The following VAV3 variants were observed in gnomAD, a reference collection of about 807,000 sequenced individuals.
The protein encoded by VAV3 is guanine nucleotide exchange factor VAV3.
In VAV3, 94 loss-of-function variants were observed where a neutral mutation model predicts 131.2. The ratio of observed to expected loss-of-function variants is 0.72; its 90% CI spans 0.61 to 0.85. The LOEUF (loss-of-function observed/expected upper bound fraction) is 0.85. Among genes scored for constraint, VAV3 ranks in the 40% least tolerant of loss-of-function variants. VAV3 has a pLI of 0.00. For missense variants in VAV3, 939 were observed against 1,002.7 expected, an observed-to-expected ratio of 0.94 and a Z score of 0.86; for synonymous variants, 349 against 342.0, an observed-to-expected ratio of 1.02 and a Z score of -0.22.
chr1:107,776,779 C>T (rs969136903), intron 4 of VAV3, among the ~76,000 whole-genome samples: 1 of 152,168 alleles, frequency 6.6e-6, no homozygotes, highest in Non-Finnish European at 1.5e-5. Context: ...CCTCTCTTGA[C>T]TATTAAATAA....
chr1:107,903,479 C>T (rs895552534), intron 1 of VAV3, among the ~76,000 whole-genome samples: 1 of 152,052 alleles, frequency 6.6e-6, no homozygotes, highest in Non-Finnish European at 1.5e-5. Flanking sequence ...TGCATTTGAC[C>T]TCCAACTCTA....
At chr1:107,618,516 G>A (rs2101228914) in intron 20 of VAV3, among the ~76,000 whole-genome samples, 1 of 152,234 alleles carries the variant, frequency 6.6e-6, no homozygotes. Flanking sequence ...CTATTAGGTT[G>A]GTGCAAAAGT....
rs757801131 is a variant in VAV3, at chr1:107,705,053, A to C, written c.1511T>G (p.Ile504Arg). Residue 504 changes from isoleucine to arginine, a missense_variant, in exon 16 of 27, where the codon ATA (isoleucine) becomes AGA (arginine). Coordinates refer to ENST00000370056, the MANE Select transcript of VAV3 (RefSeq NM_006113.5). Reference protein sequence around the residue: ...LEQFEMALSNIRPDYADSNFH... With the variant: ...LEQFEMALSNRRPDYADSNFH... The stretch of plus-strand genomic sequence containing the variant: ...ATTGGAGTCTGCATAGTCTGGTCTT[A>C]TGTTAGACCTAAAAAAAGGAAAAAA... 2 of 1,605,736 alleles carry C rather than the reference A, an allele frequency of 1.2e-6. No individual in the cohort carries two copies. The highest frequency in any genetic ancestry group is 3.3e-5 in the Admixed American group (2 of 59,820).
At chr1:107,874,676 T>C (rs558633500) in intron 2 of VAV3, among the ~76,000 whole-genome samples, 1 of 152,066 alleles carries the variant, frequency 6.6e-6, no homozygotes, top group African/African-American at 2.4e-5. Context: ...TAATCTCATT[T>C]GGAAAGTTGA....
At chr1:107,760,678 G>A in intron 10 of VAV3, 106 bp downstream of exon 10, 1 of 762,442 alleles carries the variant, frequency 1.3e-6, no homozygotes, top group Non-Finnish European at 2.0e-6. Flanking sequence ...AAAATTTTAA[G>A]GGGATTGGGC....
At position 107,856,258 on chromosome 1, in the gene VAV3, C is replaced by T. The variant is rs147163863; in HGVS notation, c.321+18643G>A. Among the ~76,000 whole-genome samples the T allele has an allele frequency of 5.3e-4, 80 of 152,298 alleles. No individual in the cohort carries two copies. In the East Asian group the frequency reaches 8.3e-3, roughly 16 times the overall value. On this transcript the variant is annotated intron_variant, in intron 2 of 26. Transcript: ENST00000370056. The stretch of plus-strand genomic sequence containing the variant: ...GCAGTCACAGAAATGTGATTAATTA[C>T]GGTTTACATCATTCCAGTGAAATAT...
chr1:107,637,064 A>G (rs1333484395), intron 20 of VAV3, among the ~76,000 whole-genome samples: 2 of 152,172 alleles, frequency 1.3e-5, no homozygotes, highest in African/African-American at 4.8e-5. Context: ...TAGAAGATCA[A>G]TAAAATGCAT....
rs191720091 is a variant in VAV3 at position 107,935,991 on chromosome 1, G to A, written c.204+28675C>T. 6.6e-5 allele frequency among the ~76,000 whole-genome samples: 10 copies of A among 152,242 alleles called. No homozygotes were observed. In the East Asian group the frequency reaches 1.9e-3, roughly 29 times the overall value. On this transcript the variant is annotated intron_variant, in intron 1 of 26. Coordinates refer to ENST00000370056, the MANE Select transcript of VAV3 (RefSeq NM_006113.5). ...TTTTGCTTTTCAGTGTGTGAGAGAT[G>A]AGGACACATTTATGCCCCTTTTGGA...
At chr1:107,779,607 G>C (rs1308305501) in intron 2 of VAV3, 115 bp from the exon 3 acceptor site, 2 of 665,092 alleles carry the variant, frequency 3.0e-6, no homozygotes, top group African/African-American at 3.8e-5. Context: ...AAATTTGCAG[G>C]TGTCAAAGAT....
At chr1:107,949,725 A>G (rs1674443448) in intron 1 of VAV3, among the ~76,000 whole-genome samples, 1 of 152,216 alleles carries the variant, frequency 6.6e-6, no homozygotes, top group Admixed American at 6.5e-5. Flanking sequence ...ACAGAATCCC[A>G]AAGTACATGT....
At chr1:107,798,636 G>A (rs148644871) in intron 2 of VAV3, among the ~76,000 whole-genome samples, 4,796 of 148,896 alleles carry the variant, frequency 0.032, 137 homozygotes, top group African/African-American at 0.075. Flanking sequence ...GGAGAATGGC[G>A]TGAACCCAGG....
intron 2 of VAV3, among the ~76,000 whole-genome samples, chr1:107,856,227 C>T (rs564218084): frequency 3.9e-4 from 60 of 152,314 alleles, no homozygotes; most frequent in African/African-American, 1.4e-3. Flanking sequence ...GGTGATGGTA[C>T]TGATGGCAGT....
At chr1:107,847,422 C>A (rs941564726) in intron 2 of VAV3, among the ~76,000 whole-genome samples, 3 of 151,924 alleles carry the variant, frequency 2.0e-5, no homozygotes, top group Admixed American at 1.3e-4. Context: ...TAACTAAGAT[C>A]AGAGCAGAAA....
At chr1:107,617,668 A>T (rs1285394390) in intron 20 of VAV3, 36 bp from the exon 21 acceptor site, 4 of 1,591,238 alleles carry the variant, frequency 2.5e-6, no homozygotes, top group Non-Finnish European at 3.4e-6. Context: ...GTTGAGAACA[A>T]ATTTACCACA....
chr1:107,948,201 C>A (rs1480432926), intron 1 of VAV3, among the ~76,000 whole-genome samples: 1 of 152,148 alleles, frequency 6.6e-6, no homozygotes. Context: ...GTACCCTCAC[C>A]TTTACGGATT....
chr1:107,798,744 A>G (rs1272890618), intron 2 of VAV3, among the ~76,000 whole-genome samples: 2 of 136,840 alleles, frequency 1.5e-5, no homozygotes, highest in East Asian at 4.0e-4. Context: ...AAAAAAAAAA[A>G]GAAGAACATG....
chr1:107,789,089 T>A (rs1666158426), intron 2 of VAV3, among the ~76,000 whole-genome samples: 1 of 152,210 alleles, frequency 6.6e-6, no homozygotes, highest in South Asian at 2.1e-4. Flanking sequence ...CATGTGCTCA[T>A]GTCAGGCCAG....
intron 19 of VAV3, among the ~76,000 whole-genome samples, chr1:107,671,277 A>C (rs904325867): frequency 6.6e-6 from 1 of 152,204 alleles, no homozygotes; most frequent in African/African-American, 2.4e-5. Context: ...ACAACGGTTA[A>C]TATCTGGACA....
intron 25 of VAV3, among the ~76,000 whole-genome samples, chr1:107,580,840 C>T (rs1015118147): frequency 6.6e-6 from 1 of 152,058 alleles, no homozygotes; most frequent in African/African-American, 2.4e-5. Context: ...AAATATATTT[C>T]CATCCATACT....
Sources: gnomAD v4.1 joint callset for allele counts (sites outside exome capture counted in the v4.1 genomes callset) on GRCh38, gnomAD v4.1.1 for gene constraint, MANE v1.5 for transcripts, NCBI Gene and HGNC (gene_info 2026-07-23, HGNC 2026-07-21) for gene names.